STARD13: variants seen among roughly 807,000 people sequenced by gnomAD.
STARD13 encodes StAR related lipid transfer domain containing 13, also known as stAR-related lipid transfer protein 13.
In STARD13, 62 loss-of-function variants were observed where a neutral mutation model predicts 106.4. The observed-to-expected ratio is 0.58, with a 90% CI of 0.48 to 0.72. The LOEUF is 0.72. STARD13 is among the 30% of genes least tolerant of loss of function. STARD13 has a pLI of 0.00. For missense variants in STARD13, 1,387 were observed against 1,424.0 expected (o/e 0.97, Z 0.42); for synonymous variants, 565 against 553.0 (o/e 1.02, Z -0.31).
chr13:33,368,637 G>A, the STARD13 span, among the ~76,000 whole-genome samples: 1 of 152,148 alleles, frequency 6.6e-6, no homozygotes, highest in Non-Finnish European at 1.5e-5. Context: ...TGGTGCTGGA[G>A]ATAGCAACAT....
the STARD13 span, among the ~76,000 whole-genome samples, chr13:33,373,272 C>A: frequency 6.6e-6 from 1 of 152,112 alleles, no homozygotes; most frequent in African/African-American, 2.4e-5. Flanking sequence ...AAATTGTTCA[C>A]AATTATATTT....
chr13:33,408,702 A>G, the STARD13 span, among the ~76,000 whole-genome samples: 1 of 152,174 alleles, frequency 6.6e-6, no homozygotes, highest in South Asian at 2.1e-4. Flanking sequence ...TTTCCTGGGC[A>G]TAAAAGATCT....
chr13:33,225,704 T>A (rs1888590196), intron 1 of STARD13, among the ~76,000 whole-genome samples: 1 of 152,192 alleles, frequency 6.6e-6, no homozygotes, highest in Admixed American at 6.5e-5. Flanking sequence ...GATATATTTT[T>A]TATGTTTCAT....
At chr13:33,644,703 G>A in the STARD13 span, among the ~76,000 whole-genome samples, 3 of 152,018 alleles carry the variant, frequency 2.0e-5, no homozygotes, top group Admixed American at 6.6e-5. Context: ...AAAACAAAAC[G>A]AAAAAGCACT....
chr13:33,113,642 T>C, intron 8 of STARD13: 1 of 475,676 alleles, frequency 2.1e-6, no homozygotes, highest in East Asian at 6.1e-5. Context: ...TTGGGGTTTA[T>C]GGAAATGGAG....
chr13:33,324,691 ATGT>A (rs1237004341), intron 1 of STARD13, among the ~76,000 whole-genome samples: 1 of 152,162 alleles, frequency 6.6e-6, no homozygotes, highest in African/African-American at 2.4e-5. Flanking sequence ...TAATGAAGAG[ATGT>A]TATCTTCAAT....
At chr13:33,429,254 C>T in the STARD13 span, among the ~76,000 whole-genome samples, 14 of 152,096 alleles carry the variant, frequency 9.2e-5, no homozygotes, top group African/African-American at 3.4e-4. Context: ...TTTACAATAG[C>T]TAAAATTTGG....
chr13:33,399,691 ACT>A, the STARD13 span, among the ~76,000 whole-genome samples: 3 of 119,228 alleles, frequency 2.5e-5, no homozygotes, highest in Admixed American at 9.6e-5. Context: ...ACAGAGCAAG[ACT>A]CTGTCTCAAA....
the STARD13 span, among the ~76,000 whole-genome samples, chr13:33,394,689 T>A: frequency 3.3e-5 from 5 of 152,242 alleles, no homozygotes; most frequent in Non-Finnish European, 5.9e-5. Context: ...AACCAGACTC[T>A]CTTGCACCAG....
At chr13:33,113,996 AT>A (rs1230933315) in intron 8 of STARD13, among the ~76,000 whole-genome samples, 1 of 152,140 alleles carries the variant, frequency 6.6e-6, no homozygotes, top group Non-Finnish European at 1.5e-5. Context: ...GGGTGTCTGA[AT>A]TCTCAAGGGG....
the STARD13 span, among the ~76,000 whole-genome samples, chr13:33,494,006 C>CA: frequency 7.4e-6 from 1 of 135,732 alleles, no homozygotes; most frequent in Non-Finnish European, 1.7e-5. Flanking sequence ...AAGGCAAAAC[C>CA]ACTTTGGGAA....
chr13:33,217,656 A>T (rs1379909368), intron 1 of STARD13, among the ~76,000 whole-genome samples: 1 of 152,244 alleles, frequency 6.6e-6, no homozygotes, highest in Admixed American at 6.5e-5. Flanking sequence ...ACAGGAAGAT[A>T]CAAGATAAAA....
At chr13:33,347,138 T>C (rs771584857), downstream of STARD13, among the ~76,000 whole-genome samples, 2 of 152,258 alleles carry the variant, frequency 1.3e-5, no homozygotes, top group African/African-American at 2.4e-5. Flanking sequence ...CGTATTCATA[T>C]ACAGTTATAC....
At chr13:33,565,907 A>G in the STARD13 span, among the ~76,000 whole-genome samples, 1 of 148,496 alleles carries the variant, frequency 6.7e-6, no homozygotes, top group Non-Finnish European at 1.5e-5. Context: ...TTTCTCCTTT[A>G]TGCTTTTAAA....
chr13:33,401,140 T>C, the STARD13 span, among the ~76,000 whole-genome samples: 1 of 152,190 alleles, frequency 6.6e-6, no homozygotes, highest in Non-Finnish European at 1.5e-5. Flanking sequence ...AAAAATCTTC[T>C]CAGTGAACAG....
At chr13:33,672,811 A>C in the STARD13 span, among the ~76,000 whole-genome samples, 16 of 152,244 alleles carry the variant, frequency 1.1e-4, no homozygotes, top group Non-Finnish European at 1.8e-4. Context: ...ATTACTTTCG[A>C]CTAAATAACA....
intron 7 of STARD13, among the ~76,000 whole-genome samples, chr13:33,124,440 T>G (rs76894829): frequency 0.011 from 1,726 of 152,094 alleles, 29 homozygotes; most frequent in African/African-American, 0.04. Context: ...GAAATGAGTC[T>G]TCTTCCTCCA....
intron 1 of STARD13, among the ~76,000 whole-genome samples, chr13:33,230,352 G>A (rs1171732093): frequency 3.3e-5 from 5 of 152,192 alleles, no homozygotes; most frequent in African/African-American, 1.2e-4. Flanking sequence ...TTAGAAAGAA[G>A]AAGAGGCGTG....
At chr13:33,488,128 C>T in the STARD13 span, among the ~76,000 whole-genome samples, 1 of 152,150 alleles carries the variant, frequency 6.6e-6, no homozygotes, top group Admixed American at 6.5e-5. Context: ...CTTAAGTGTA[C>T]ATATTCCCTA....
Sources: gnomAD v4.1 joint callset for allele counts (sites outside exome capture counted in the v4.1 genomes callset) on GRCh38, gnomAD v4.1.1 for gene constraint, MANE v1.5 for transcripts, NCBI Gene and HGNC (gene_info 2026-07-23, HGNC 2026-07-21) for gene names.